SGCZ: variants seen among roughly 807,000 people sequenced by gnomAD.
SGCZ encodes zeta-sarcoglycan.
In SGCZ, 40 loss-of-function variants were observed where a neutral mutation model predicts 41.3. The ratio of observed to expected loss-of-function variants is 0.97; its 90% CI spans 0.75 to 1.26. SGCZ has a LOEUF of 1.26. SGCZ is among the 50% of genes most tolerant of loss of function. The pLI, the probability that SGCZ is intolerant of heterozygous loss-of-function variation, is 0.00. For synonymous variants in SGCZ, 206 were observed against 137.5 expected (o/e 1.50, Z -3.49); for missense variants, 552 against 369.8 (o/e 1.49, Z -4.04).
At chr8:14,439,123 G>C (rs1800172838) in intron 2 of SGCZ, among the ~76,000 whole-genome samples, 1 of 151,742 alleles carries the variant, frequency 6.6e-6, no homozygotes. Context: ...TTCCCCTATG[G>C]GCTCTGCCTT....
intron 2 of SGCZ, among the ~76,000 whole-genome samples, chr8:14,417,972 C>G (rs986317964): frequency 1.3e-5 from 2 of 151,676 alleles, no homozygotes; most frequent in Non-Finnish European, 1.5e-5. Context: ...TTTGTCGAAG[C>G]GTATCTTTCT....
intron 1 of SGCZ, among the ~76,000 whole-genome samples, chr8:14,575,922 AAAAAAAAAAAAAAG>A (rs1804695856): frequency 6.6e-6 from 1 of 150,828 alleles, no homozygotes; most frequent in African/African-American, 2.4e-5. Flanking sequence ...ACAAAAAAAA[AAAAAAAAAAAAAAG>A]AAAGAAAGAG....
rs532787456 is a variant in SGCZ, at chr8:14,090,163, G to A, written c.*280C>T. The A allele has an allele frequency of 8.3e-4, 223 of 267,302 alleles. 2 individuals are homozygous for A. Among genetic ancestry groups the A allele is most frequent in the Admixed American group, 2.0e-4 (4 of 19,588 alleles). The allele number at this position is 267,302 out of a possible 1,614,324, so 16.6% of individuals were successfully genotyped here. A position where few individuals can be genotyped will look rare whatever the true frequency, so the allele number is the denominator to read the frequency against. On this transcript the variant is annotated 3_prime_UTR_variant, in exon 8 of 8. Coordinates refer to ENST00000382080, the MANE Select transcript of SGCZ (RefSeq NM_139167.4). ...TCTAAAACTGTGTGCTTCACTTCGC[G>A]TAGCAAAGGCACCTATGTTATTCTC...
intron 1 of SGCZ, among the ~76,000 whole-genome samples, chr8:14,725,223 C>T (rs1588438): frequency 2.0e-5 from 3 of 152,032 alleles, no homozygotes; most frequent in African/African-American, 7.2e-5. Flanking sequence ...TATAGACCAC[C>T]TTTACTCATT....
At chr8:14,809,741 G>A (rs890777857) in intron 1 of SGCZ, among the ~76,000 whole-genome samples, 9 of 152,086 alleles carry the variant, frequency 5.9e-5, no homozygotes, top group Admixed American at 3.3e-4. Flanking sequence ...TACCCATGAG[G>A]GAGGACTGTG....
At chr8:15,178,021 C>T (rs939359148) in intron 1 of SGCZ, among the ~76,000 whole-genome samples, 1 of 152,130 alleles carries the variant, frequency 6.6e-6, no homozygotes. Context: ...CTGTAAGCCC[C>T]ATGCTTGGGG....
At chr8:14,891,197 T>A (rs1805002217) in intron 1 of SGCZ, among the ~76,000 whole-genome samples, 1 of 152,208 alleles carries the variant, frequency 6.6e-6, no homozygotes, top group Non-Finnish European at 1.5e-5. Context: ...AGGCTATAGT[T>A]GTCACAGATA....
chr8:14,425,534 C>T (rs7840953), intron 2 of SGCZ, among the ~76,000 whole-genome samples: 52,128 of 151,548 alleles, frequency 0.34, 9,838 homozygotes, highest in African/African-American at 0.5. Flanking sequence ...GGCAGGAGAA[C>T]TGCTTGAAAC....
intron 1 of SGCZ, among the ~76,000 whole-genome samples, chr8:15,115,709 C>A (rs185605894): frequency 1.3e-5 from 2 of 152,234 alleles, no homozygotes; most frequent in East Asian, 1.9e-4. Context: ...TTCCATTGTG[C>A]AAATGTCTCT....
intron 4 of SGCZ, among the ~76,000 whole-genome samples, chr8:14,199,211 A>G (rs532404813): frequency 2.0e-4 from 31 of 152,286 alleles, no homozygotes; most frequent in Admixed American, 1.8e-3. Context: ...ATGTGTCCCT[A>G]AGGGGAGGAC....
chr8:14,235,334 T>C (rs1028198260), intron 4 of SGCZ, among the ~76,000 whole-genome samples: 19 of 152,272 alleles, frequency 1.2e-4, no homozygotes, highest in African/African-American at 4.6e-4. Flanking sequence ...TATTAAATAG[T>C]TTTTAAGTGT....
intron 1 of SGCZ, among the ~76,000 whole-genome samples, chr8:14,813,558 CTG>C (rs1159603635): frequency 6.6e-6 from 1 of 152,142 alleles, no homozygotes; most frequent in African/African-American, 2.4e-5. Context: ...CACTTTTGGA[CTG>C]AGAAAATCTT....
intron 1 of SGCZ, among the ~76,000 whole-genome samples, chr8:15,149,731 A>AG (rs1799127138): frequency 6.6e-6 from 1 of 151,650 alleles, no homozygotes; most frequent in African/African-American, 2.4e-5. Context: ...AAAAAAAAAA[A>AG]AGCCTTCCTG....
intron 5 of SGCZ, among the ~76,000 whole-genome samples, chr8:14,150,385 CAAAAG>C (rs1243588379): frequency 6.6e-6 from 1 of 151,992 alleles, no homozygotes; most frequent in Non-Finnish European, 1.5e-5. Context: ...AGATATTTCT[CAAAAG>C]AAAACACACA....
intron 2 of SGCZ, among the ~76,000 whole-genome samples, chr8:14,433,359 A>G (rs1399363381): frequency 6.6e-6 from 1 of 152,220 alleles, no homozygotes; most frequent in Admixed American, 6.5e-5. Context: ...CGGATAATTA[A>G]GATACTTTGC....
intron 1 of SGCZ, among the ~76,000 whole-genome samples, chr8:15,086,602 C>G (rs1396863975): frequency 6.6e-6 from 1 of 152,106 alleles, no homozygotes; most frequent in Non-Finnish European, 1.5e-5. Context: ...CATAGTGAAG[C>G]TGCAAATTAT....
At chr8:14,985,845 C>T (rs904581282) in intron 1 of SGCZ, among the ~76,000 whole-genome samples, 1 of 152,132 alleles carries the variant, frequency 6.6e-6, no homozygotes, top group Non-Finnish European at 1.5e-5. Context: ...AACAATAAAT[C>T]TTTAAGTCAA....
At chr8:14,300,536 C>A (rs1563244251) in intron 3 of SGCZ, among the ~76,000 whole-genome samples, 1 of 151,742 alleles carries the variant, frequency 6.6e-6, no homozygotes, top group African/African-American at 2.4e-5. Flanking sequence ...ATTTTGTTGC[C>A]TAAAAATTTT....
intron 5 of SGCZ, among the ~76,000 whole-genome samples, chr8:14,142,831 C>G (rs1406014769): frequency 6.6e-6 from 1 of 152,006 alleles, no homozygotes; most frequent in African/African-American, 2.4e-5. Flanking sequence ...TGTGGCACCT[C>G]TCCCCTTGCT....
Sources: allele counts gnomAD v4.1 joint callset (sites outside exome capture counted in the v4.1 genomes callset), GRCh38; gene constraint gnomAD v4.1.1; transcripts MANE v1.5; gene names NCBI Gene and HGNC (gene_info 2026-07-23, HGNC 2026-07-21).